The following C1QTNF3 variants were observed in gnomAD, a reference collection of about 807,000 sequenced individuals.
C1QTNF3 encodes C1q and TNF related 3.
In C1QTNF3, 26 loss-of-function variants were observed where a neutral mutation model predicts 32.6. The observed-to-expected ratio is 0.80, with a 90% CI of 0.58 to 1.11. The LOEUF is 1.11. Among genes scored for constraint, C1QTNF3 ranks in the 50% least tolerant of loss-of-function variants. The probability of loss-of-function intolerance (pLI) is 0.00; values close to 1 mark genes in which losing one functional copy is unlikely to be tolerated. For synonymous variants in C1QTNF3, 155 were observed against 146.0 expected (o/e 1.06, Z -0.44); for missense variants, 362 against 398.2 (o/e 0.91, Z 0.77).
chr5:34,175,194 C>T, the C1QTNF3 span, among the ~76,000 whole-genome samples: 1 of 152,078 alleles, frequency 6.6e-6, no homozygotes, highest in Non-Finnish European at 1.5e-5. Flanking sequence ...CAGGCACACA[C>T]CACCACACCT....
the C1QTNF3 span, among the ~76,000 whole-genome samples, chr5:34,150,407 T>C: frequency 2.0e-4 from 19 of 93,356 alleles, no homozygotes; most frequent in African/African-American, 9.5e-4. Flanking sequence ...AATATACATT[T>C]TTTTCAGCAC....
the C1QTNF3 span, among the ~76,000 whole-genome samples, chr5:34,205,415 G>T: frequency 4.5e-4 from 69 of 152,320 alleles, no homozygotes; most frequent in Admixed American, 6.5e-4. Context: ...GGTCTAGTGG[G>T]AGGGGATTGG....
the C1QTNF3 span, among the ~76,000 whole-genome samples, chr5:34,074,930 G>A: frequency 1.3e-5 from 2 of 151,808 alleles, no homozygotes; most frequent in Admixed American, 6.5e-5. Flanking sequence ...AGGAATTGTA[G>A]GCTATTTGAA....
At chr5:34,037,878 T>C (rs539050952) in intron 1 of C1QTNF3, among the ~76,000 whole-genome samples, 1 of 152,336 alleles carries the variant, frequency 6.6e-6, no homozygotes, top group South Asian at 2.1e-4. Flanking sequence ...ATATTTCCTG[T>C]TATGGTTTTG....
chr5:34,213,794 TATATATATATATATA>T, the C1QTNF3 span, among the ~76,000 whole-genome samples: 15 of 5,080 alleles, frequency 3.0e-3, 1 homozygote, highest in Non-Finnish European at 7.2e-4. Flanking sequence ...TACATATATA[TATATATATATATATA>T]TTTTTTTTTT....
At chr5:34,050,316 A>G in the C1QTNF3 span, among the ~76,000 whole-genome samples, 344 of 152,226 alleles carry the variant, frequency 2.3e-3, 1 homozygote, top group African/African-American at 8.0e-3. Context: ...CCTTGCCTTA[A>G]AAGTCCTCCT....
At chr5:34,080,668 TTTTGA>T in the C1QTNF3 span, among the ~76,000 whole-genome samples, 714 of 151,816 alleles carry the variant, frequency 4.7e-3, 5 homozygotes, top group Non-Finnish European at 7.5e-3. Flanking sequence ...TTCTTTCTTC[TTTTGA>T]TTTATGTTTT....
At chr5:34,111,728 C>A in the C1QTNF3 span, among the ~76,000 whole-genome samples, 1 of 152,078 alleles carries the variant, frequency 6.6e-6, no homozygotes, top group African/African-American at 2.4e-5. Context: ...ATGAATCAGT[C>A]CAGAACCCAA....
the C1QTNF3 span, among the ~76,000 whole-genome samples, chr5:34,058,073 G>C: frequency 3.5e-4 from 54 of 152,296 alleles, no homozygotes; most frequent in Non-Finnish European, 6.8e-4. Flanking sequence ...GCACAAGCAC[G>C]TATCTACCAC....
chr5:34,125,435 G>A, the C1QTNF3 span, among the ~76,000 whole-genome samples: 1 of 152,078 alleles, frequency 6.6e-6, no homozygotes, highest in African/African-American at 2.4e-5. Context: ...TTATTACAAT[G>A]CTTATCTATT....
chr5:34,155,227 G>A, the C1QTNF3 span, among the ~76,000 whole-genome samples: 73 of 152,276 alleles, frequency 4.8e-4, no homozygotes, highest in East Asian at 0.011. Flanking sequence ...GATTGACTCT[G>A]CATGTACACA....
intron 4 of C1QTNF3, chr5:34,024,235 A>G: frequency 2.2e-6 from 1 of 455,328 alleles, no homozygotes; most frequent in Non-Finnish European, 4.0e-6. Flanking sequence ...AAAAGTCTTT[A>G]AGGGAAGGAG....
the C1QTNF3 span, chr5:34,124,654 G>A: frequency 4.4e-6 from 2 of 457,550 alleles, no homozygotes; most frequent in Non-Finnish European, 8.0e-6. Flanking sequence ...CTCCAACATT[G>A]GGGATTACAG....
At chr5:34,203,506 T>C in the C1QTNF3 span, among the ~76,000 whole-genome samples, 1 of 151,916 alleles carries the variant, frequency 6.6e-6, no homozygotes, top group Non-Finnish European at 1.5e-5. Flanking sequence ...GCCAACATAG[T>C]GAAACCCTAT....
intron 3 of C1QTNF3, among the ~76,000 whole-genome samples, chr5:34,029,626 G>A (rs911108491): frequency 6.6e-6 from 1 of 152,182 alleles, no homozygotes; most frequent in African/African-American, 2.4e-5. Flanking sequence ...TGGAGTCATT[G>A]TGTGGGCAAT....
At chr5:34,141,618 G>A in the C1QTNF3 span, among the ~76,000 whole-genome samples, 2 of 152,104 alleles carry the variant, frequency 1.3e-5, no homozygotes, top group Non-Finnish European at 2.9e-5. Flanking sequence ...TTACCCTGAT[G>A]AGGAGTCAGA....
At chr5:34,066,823 C>A in the C1QTNF3 span, among the ~76,000 whole-genome samples, 1 of 152,186 alleles carries the variant, frequency 6.6e-6, no homozygotes, top group South Asian at 2.1e-4. Context: ...CAAATCTCTG[C>A]AGCTGGCTTT....
the C1QTNF3 span, among the ~76,000 whole-genome samples, chr5:34,231,370 T>C: frequency 6.6e-6 from 1 of 152,170 alleles, no homozygotes; most frequent in Admixed American, 6.5e-5. Flanking sequence ...ATTTAAATAA[T>C]ATGGGTACAT....
At chr5:34,050,687 C>A in the C1QTNF3 span, among the ~76,000 whole-genome samples, 1 of 152,218 alleles carries the variant, frequency 6.6e-6, no homozygotes, top group Admixed American at 6.5e-5. Flanking sequence ...ACATATACCC[C>A]TTCCCTATGA....
Sources: allele counts gnomAD v4.1 joint callset (sites outside exome capture counted in the v4.1 genomes callset), GRCh38; gene constraint gnomAD v4.1.1; transcripts MANE v1.5; gene names NCBI Gene and HGNC (gene_info 2026-07-23, HGNC 2026-07-21).